The following DLG2 variants were observed in gnomAD, a reference collection of about 807,000 sequenced individuals.
DLG2 encodes the protein disks large homolog 2.
DLG2 carries 45 observed loss-of-function variants against 132.5 expected under a neutral mutation model. That is an observed-to-expected ratio of 0.34 (90% CI 0.27 to 0.44). The LOEUF is 0.44. Ranked by LOEUF, DLG2 falls within the 20% of genes least tolerant of loss-of-function variation. DLG2 has a pLI of 1.00. For synonymous variants in DLG2, 424 were observed against 419.6 expected, an observed-to-expected ratio of 1.01 and a Z score of -0.13; for missense variants, 1,045 against 1,196.9, an observed-to-expected ratio of 0.87 and a Z score of 1.87.
chr11:84,268,707 C>A (rs991850054), intron 7 of DLG2, among the ~76,000 whole-genome samples: 3 of 151,816 alleles, frequency 2.0e-5, no homozygotes, highest in Non-Finnish European at 4.4e-5. Context: ...GTGATCCGCC[C>A]GCCTCAGCCT....
intron 4 of DLG2, among the ~76,000 whole-genome samples, chr11:85,248,302 T>C (rs118151840): frequency 0.02 from 3,013 of 152,228 alleles, 59 homozygotes; most frequent in Admixed American, 0.037. Flanking sequence ...ATTTATACCT[T>C]TTTGTTGTGG....
At chr11:85,158,629 TA>T (rs567805862) in intron 4 of DLG2, among the ~76,000 whole-genome samples, 2 of 152,124 alleles carry the variant, frequency 1.3e-5, no homozygotes, top group African/African-American at 2.4e-5. Context: ...GTCACTCAAC[TA>T]AAAAAAATTT....
Position 83,595,718 on chromosome 11 carries a change from G to T in DLG2, c.1940+37493C>A, listed in dbSNP as rs151203623. On this transcript the variant is annotated intron_variant, in intron 19 of 27. Transcript: ENST00000376104. ...AGCCTTTTGGAGACACCATCTAACC[G>T]AAATGCAAGTTCATTTTAACATGTA... Among the ~76,000 whole-genome samples, 288 of 152,212 alleles carry T rather than the reference G, an allele frequency of 1.9e-3. 1 individual carries two copies. Among genetic ancestry groups the T allele is most frequent in the African/African-American group, 6.6e-3 (272 of 41,512 alleles).
intron 14 of DLG2, among the ~76,000 whole-genome samples, chr11:83,935,882 A>G (rs1424172293): frequency 6.6e-6 from 1 of 152,186 alleles, no homozygotes; most frequent in Non-Finnish European, 1.5e-5. Context: ...ACCTTATGCT[A>G]TTTCTTAACA....
chr11:85,433,295 G>A (rs74958871), intron 3 of DLG2, among the ~76,000 whole-genome samples: 13,286 of 152,194 alleles, frequency 0.087, 937 homozygotes, highest in Non-Finnish European at 0.12. Flanking sequence ...CAGGATAATG[G>A]AATCAAATTC....
At chr11:83,778,926 A>G (rs1170996224) in intron 18 of DLG2, among the ~76,000 whole-genome samples, 1 of 152,110 alleles carries the variant, frequency 6.6e-6, no homozygotes, top group Non-Finnish European at 1.5e-5. Context: ...ATAAGTGAAG[A>G]GACTTCCTGG....
At chr11:85,109,645 T>G (rs757391486) in intron 6 of DLG2, among the ~76,000 whole-genome samples, 9 of 152,144 alleles carry the variant, frequency 5.9e-5, no homozygotes, top group Non-Finnish European at 1.3e-4. Context: ...GGGCTGAAAT[T>G]ACCAGTGTAT....
At chr11:84,772,704 A>G (rs928674582) in intron 6 of DLG2, among the ~76,000 whole-genome samples, 1 of 152,222 alleles carries the variant, frequency 6.6e-6, no homozygotes, top group African/African-American at 2.4e-5. Context: ...CTTTTGGTTG[A>G]ATAATGAAAT....
chr11:85,028,716 A>G (rs947443553), intron 6 of DLG2, among the ~76,000 whole-genome samples: 1 of 152,130 alleles, frequency 6.6e-6, no homozygotes, highest in Non-Finnish European at 1.5e-5. Context: ...GGGGGCAGGC[A>G]CTTCTGAGCC....
rs2070639148 is a variant in DLG2, at chr11:85,100,126, T to C, written c.357+11535A>G. Among the ~76,000 whole-genome samples the C allele has an allele frequency of 2.0e-5, 3 of 152,196 alleles. No homozygotes were observed. The South Asian group carries it at 6.2e-4, about 31-fold the overall frequency. On this transcript the variant is annotated intron_variant, in intron 6 of 27. Coordinates refer to ENST00000376104, the MANE Select transcript of DLG2 (RefSeq NM_001142699.3). ...AAGTAAATTAACTCATATAAACATC[T>C]AAACTTCATACATTTCAGTTATATC...
intron 6 of DLG2, among the ~76,000 whole-genome samples, chr11:85,082,349 C>T (rs1179616731): frequency 6.6e-6 from 1 of 151,960 alleles, no homozygotes; most frequent in Non-Finnish European, 1.5e-5. Flanking sequence ...CAGGTGCCAA[C>T]AAAAATAGAA....
rs150799701 is a variant in DLG2 at position 85,591,478 on chromosome 11, C to T, written c.40+7179G>A. On this transcript the variant is annotated intron_variant, in intron 3 of 27. Coordinates refer to ENST00000376104, the MANE Select transcript of DLG2 (RefSeq NM_001142699.3). Reference sequence around the variant, plus strand: ...GCTGTCGACCAGGTGTGGTGGCTCACGCCTGTAATCCCAGCGCTTTGGGAG... The same window carrying T: ...GCTGTCGACCAGGTGTGGTGGCTCATGCCTGTAATCCCAGCGCTTTGGGAG... Among the ~76,000 whole-genome samples, 21 of 152,266 alleles carry T rather than the reference C, an allele frequency of 1.4e-4. No individual in the cohort carries two copies. In the South Asian group the frequency reaches 3.3e-3, roughly 24 times the overall value.
At position 85,397,295 on chromosome 11, in the gene DLG2, GAAC is replaced by G. The variant is rs961459524; in HGVS notation, c.41-111933_41-111931del. ...TGAAGGAAGCACCAAACATGGAAAG[GAAC>G]AACAAGTACCAGCCACTGCAAAAAC... On this transcript the variant is annotated intron_variant, in intron 3 of 27. Transcript: ENST00000376104. Among the ~76,000 whole-genome samples the G allele has an allele frequency of 5.3e-5, 8 of 152,184 alleles. No individual in the cohort carries two copies. The South Asian group carries it at 6.2e-4, about 12-fold the overall frequency.
intron 24 of DLG2, among the ~76,000 whole-genome samples, chr11:83,470,167 G>A (rs946704694): frequency 6.4e-5 from 6 of 94,154 alleles, no homozygotes; most frequent in African/African-American, 1.2e-4. Flanking sequence ...ACACAATTAC[G>A]ATGATATTTT....
chr11:84,407,933 T>C (rs1456567110), intron 7 of DLG2, among the ~76,000 whole-genome samples: 1 of 152,192 alleles, frequency 6.6e-6, no homozygotes, highest in Non-Finnish European at 1.5e-5. Context: ...CACTTGTAGC[T>C]ATCTTGAAGA....
chr11:84,843,958 T>C (rs1007129048), intron 6 of DLG2, among the ~76,000 whole-genome samples: 1 of 150,824 alleles, frequency 6.6e-6, no homozygotes, highest in Non-Finnish European at 1.5e-5. Flanking sequence ...TATATACATA[T>C]ATCCCCATTA....
Position 84,978,321 on chromosome 11 carries a change from A to G in DLG2, c.357+133340T>C, listed in dbSNP as rs980772819. The stretch of plus-strand genomic sequence containing the variant: ...TGGAAAAAACTATTTTAAAGTTCAT[A>G]TGGAACCAAAAAAGAGCCCGCATTG... On this transcript the variant is annotated intron_variant, in intron 6 of 27. Transcript: ENST00000376104. Among the ~76,000 whole-genome samples, 48 of 152,316 alleles carry G rather than the reference A, an allele frequency of 3.2e-4. 1 individual carries two copies. The highest frequency in any genetic ancestry group is 3.3e-4 in the Admixed American group (5 of 15,298).
chr11:84,217,665 G>A (rs745515659), intron 8 of DLG2, among the ~76,000 whole-genome samples: 13 of 152,158 alleles, frequency 8.5e-5, no homozygotes, highest in Middle Eastern at 3.2e-3. Flanking sequence ...AATTTCAGGC[G>A]TGTTAACTTC....
intron 18 of DLG2, among the ~76,000 whole-genome samples, chr11:83,745,239 G>T (rs1307806939): frequency 6.6e-6 from 1 of 152,118 alleles, no homozygotes; most frequent in Non-Finnish European, 1.5e-5. Context: ...AATTTTGTTG[G>T]TTGTGTTCTT....
Sources: gnomAD v4.1 joint callset for allele counts (sites outside exome capture counted in the v4.1 genomes callset) on GRCh38, gnomAD v4.1.1 for gene constraint, MANE v1.5 for transcripts, NCBI Gene and HGNC (gene_info 2026-07-23, HGNC 2026-07-21) for gene names.